The following PPARGC1A variants were observed in gnomAD, a reference collection of about 807,000 sequenced individuals.
The protein encoded by PPARGC1A is PPARG coactivator 1 alpha.
PPARGC1A carries 25 observed loss-of-function variants against 88.7 expected under a neutral mutation model. That is an observed-to-expected ratio of 0.28 (90% confidence interval 0.21 to 0.39). The LOEUF (loss-of-function observed/expected upper bound fraction) is 0.39. Ranked by LOEUF, PPARGC1A falls within the 10% of genes least tolerant of loss-of-function variation. The probability of loss-of-function intolerance (pLI) is 1.00; values close to 1 mark genes in which losing one functional copy is unlikely to be tolerated. For synonymous variants in PPARGC1A, 363 were observed against 355.6 expected, an observed-to-expected ratio of 1.02 and a Z score of -0.24; for missense variants, 880 against 968.7, an observed-to-expected ratio of 0.91 and a Z score of 1.22.
the PPARGC1A span, among the ~76,000 whole-genome samples, chr4:24,347,179 C>T: frequency 6.6e-6 from 1 of 152,056 alleles, no homozygotes; most frequent in Non-Finnish European, 1.5e-5. Flanking sequence ...TGTTTTATGG[C>T]CTATCTTATG....
At chr4:24,200,965 A>T in the PPARGC1A span, among the ~76,000 whole-genome samples, 2 of 152,196 alleles carry the variant, frequency 1.3e-5, no homozygotes, top group Admixed American at 6.5e-5. Context: ...TTATTCACTC[A>T]GCAAACATTT....
chr4:24,367,757 T>C, the PPARGC1A span, among the ~76,000 whole-genome samples: 2 of 152,120 alleles, frequency 1.3e-5, no homozygotes, highest in South Asian at 4.2e-4. Flanking sequence ...TCTTTGTCGC[T>C]AGAGAAAAAA....
the PPARGC1A span, among the ~76,000 whole-genome samples, chr4:24,129,502 T>C: frequency 2.6e-5 from 4 of 152,152 alleles, no homozygotes; most frequent in Non-Finnish European, 4.4e-5. Flanking sequence ...AAAAGCAACA[T>C]AGTACATTGG....
At chr4:24,293,553 C>T in the PPARGC1A span, among the ~76,000 whole-genome samples, 60 of 84,816 alleles carry the variant, frequency 7.1e-4, no homozygotes, top group African/African-American at 3.6e-3. Flanking sequence ...TCCTCCTACC[C>T]CCTTACCCCT....
At chr4:23,988,020 T>C in the PPARGC1A span, among the ~76,000 whole-genome samples, 2 of 151,742 alleles carry the variant, frequency 1.3e-5, no homozygotes, top group Non-Finnish European at 2.9e-5. Flanking sequence ...AACTCCCACT[T>C]ATGAGTGAGA....
intron 11 of PPARGC1A, 143 bp downstream of exon 11, chr4:23,802,081 T>G: frequency 7.6e-7 from 1 of 1,315,890 alleles, no homozygotes; most frequent in Non-Finnish European, 1.0e-6. Flanking sequence ...TAAACAGGGA[T>G]GAAAGAAAAT....
At chr4:23,880,414 G>A (rs929263849) in intron 2 of PPARGC1A, among the ~76,000 whole-genome samples, 2 of 152,140 alleles carry the variant, frequency 1.3e-5, no homozygotes, top group Non-Finnish European at 2.9e-5. Flanking sequence ...ACAAGTATTT[G>A]TTGAGTTCTT....
chr4:23,841,450 T>G (rs1727033629), intron 2 of PPARGC1A, among the ~76,000 whole-genome samples: 1 of 152,056 alleles, frequency 6.6e-6, no homozygotes, highest in African/African-American at 2.4e-5. Context: ...TTTTATGTAT[T>G]TATATACCTT....
the PPARGC1A span, among the ~76,000 whole-genome samples, chr4:24,322,897 T>G: frequency 6.6e-6 from 1 of 152,258 alleles, no homozygotes; most frequent in Admixed American, 6.5e-5. Context: ...GTACAATATT[T>G]TGAATAGCAA....
At chr4:24,078,193 C>T in the PPARGC1A span, among the ~76,000 whole-genome samples, 1 of 152,010 alleles carries the variant, frequency 6.6e-6, no homozygotes, top group African/African-American at 2.4e-5. Flanking sequence ...AGTAACACAT[C>T]CAAGGCTGAC....
the PPARGC1A span, among the ~76,000 whole-genome samples, chr4:24,215,311 C>T: frequency 2.3e-4 from 35 of 152,244 alleles, 1 homozygote; most frequent in South Asian, 5.2e-3. Flanking sequence ...TGCACACTTG[C>T]GTGGGATATG....
the PPARGC1A span, among the ~76,000 whole-genome samples, chr4:24,325,403 C>T: frequency 6.6e-6 from 1 of 152,168 alleles, no homozygotes; most frequent in South Asian, 2.1e-4. Flanking sequence ...CCAGCCACAT[C>T]TCCAGCACAC....
the PPARGC1A span, among the ~76,000 whole-genome samples, chr4:24,090,125 C>G: frequency 6.6e-6 from 1 of 152,090 alleles, no homozygotes; most frequent in Non-Finnish European, 1.5e-5. Flanking sequence ...GAAATAAAGA[C>G]TATATAAAAT....
chr4:24,202,105 T>A, the PPARGC1A span, among the ~76,000 whole-genome samples: 22 of 152,094 alleles, frequency 1.4e-4, no homozygotes, highest in African/African-American at 5.3e-4. Context: ...TTTCACCATG[T>A]TGGCCCAAGT....
the PPARGC1A span, among the ~76,000 whole-genome samples, chr4:23,995,758 C>A: frequency 6.6e-6 from 1 of 152,104 alleles, no homozygotes; most frequent in African/African-American, 2.4e-5. Flanking sequence ...AGGAGCCTCC[C>A]CATGAGCCCA....
intron 2 of PPARGC1A, among the ~76,000 whole-genome samples, chr4:23,864,194 A>G: frequency 6.6e-6 from 1 of 152,254 alleles, no homozygotes; most frequent in Non-Finnish European, 1.5e-5. Context: ...TTTTAAGGAC[A>G]CTGAAGGCAG....
the PPARGC1A span, among the ~76,000 whole-genome samples, chr4:24,007,915 C>CT: frequency 6.6e-6 from 1 of 152,186 alleles, no homozygotes; most frequent in East Asian, 1.9e-4. Flanking sequence ...TCTCCACCGG[C>CT]TCAGTGTGCA....
the PPARGC1A span, among the ~76,000 whole-genome samples, chr4:24,149,201 G>A: frequency 6.6e-6 from 1 of 152,082 alleles, no homozygotes; most frequent in Admixed American, 6.6e-5. Flanking sequence ...TTCTATATGA[G>A]TACAGTTTCT....
At chr4:24,114,628 A>G in the PPARGC1A span, among the ~76,000 whole-genome samples, 6 of 152,254 alleles carry the variant, frequency 3.9e-5, no homozygotes, top group East Asian at 1.2e-3. Context: ...ACATTTACGC[A>G]GGGTTGAATA....
Sources: gnomAD v4.1 joint callset for allele counts (sites outside exome capture counted in the v4.1 genomes callset) on GRCh38, gnomAD v4.1.1 for gene constraint, MANE v1.5 for transcripts, NCBI Gene and HGNC (gene_info 2026-07-23, HGNC 2026-07-21) for gene names.